Variants in GPC5 observed in about 807,000 individuals in gnomAD.
GPC5 encodes glypican-5.
In GPC5, 47 loss-of-function variants were observed where a neutral mutation model predicts 53.9. That is an observed-to-expected ratio of 0.87 (90% CI 0.69 to 1.11). GPC5 has a LOEUF of 1.11. GPC5 is among the 50% of genes most tolerant of loss of function. The probability of loss-of-function intolerance (pLI) is 0.00; values close to 1 mark genes in which losing one functional copy is unlikely to be tolerated. For missense variants in GPC5, 748 were observed against 713.1 expected (o/e 1.05, Z -0.56); for synonymous variants, 286 against 263.3 (o/e 1.09, Z -0.84).
chr13:91,588,606 T>C (rs1315731344), intron 2 of GPC5, among the ~76,000 whole-genome samples: 1 of 152,128 alleles, frequency 6.6e-6, no homozygotes, highest in South Asian at 2.1e-4. Context: ...CCCTCAAATT[T>C]AAATTGATTT....
chr13:91,679,248 T>C (rs1214015909), intron 2 of GPC5, among the ~76,000 whole-genome samples: 4 of 152,140 alleles, frequency 2.6e-5, no homozygotes, highest in African/African-American at 4.8e-5. Flanking sequence ...GTTACATAGG[T>C]ATACAGGTGC....
intron 7 of GPC5, among the ~76,000 whole-genome samples, chr13:92,521,264 T>A (rs1377550565): frequency 6.6e-6 from 1 of 152,080 alleles, no homozygotes; most frequent in African/African-American, 2.4e-5. Flanking sequence ...TTCACAGAAT[T>A]GGAAAAAACT....
chr13:92,019,198 A>G (rs1488325870), intron 6 of GPC5, among the ~76,000 whole-genome samples: 1 of 151,934 alleles, frequency 6.6e-6, no homozygotes, highest in Admixed American at 6.6e-5. Flanking sequence ...TTACATACAC[A>G]TACTCTCTCT....
intron 7 of GPC5, chr13:92,239,749 G>A (rs2042596118): frequency 1.6e-5 from 1 of 62,862 alleles, no homozygotes; most frequent in Non-Finnish European, 3.6e-5. Context: ...TGTACATGAG[G>A]TCCATTATAT....
chr13:91,952,187 C>G (rs1476301931), intron 6 of GPC5, among the ~76,000 whole-genome samples: 27 of 97,326 alleles, frequency 2.8e-4, no homozygotes, highest in Non-Finnish European at 1.1e-4. Flanking sequence ...CTCTCTCTCT[C>G]TCTGTGTGTG....
At chr13:91,529,347 T>C (rs1168136853) in intron 2 of GPC5, among the ~76,000 whole-genome samples, 2 of 152,200 alleles carry the variant, frequency 1.3e-5, no homozygotes, top group South Asian at 4.1e-4. Context: ...TTCTCAATTT[T>C]ATTAAATTTA....
intron 7 of GPC5, among the ~76,000 whole-genome samples, chr13:92,660,712 T>C (rs911115440): frequency 6.6e-6 from 1 of 152,044 alleles, no homozygotes; most frequent in African/African-American, 2.4e-5. Context: ...TTTCTATTAC[T>C]TTCTTTTCTG....
At chr13:91,924,929 C>T (rs1234690758) in intron 6 of GPC5, among the ~76,000 whole-genome samples, 5 of 151,662 alleles carry the variant, frequency 3.3e-5, no homozygotes, top group Non-Finnish European at 2.9e-5. Context: ...ACCCCATTCT[C>T]CTGCCTCAGC....
chr13:91,595,929 C>T (rs1353212026), intron 2 of GPC5, among the ~76,000 whole-genome samples: 1 of 152,162 alleles, frequency 6.6e-6, no homozygotes, highest in Non-Finnish European at 1.5e-5. Context: ...ACTATTCTAT[C>T]AATGAGTGAA....
intron 2 of GPC5, among the ~76,000 whole-genome samples, chr13:91,595,625 T>C (rs7332178): frequency 0.016 from 2,441 of 152,320 alleles, 77 homozygotes; most frequent in African/African-American, 0.056. Flanking sequence ...AATTTTCTCC[T>C]GTACTATCTG....
At chr13:91,526,091 G>T (rs1886074194) in intron 2 of GPC5, among the ~76,000 whole-genome samples, 1 of 152,060 alleles carries the variant, frequency 6.6e-6, no homozygotes, top group Non-Finnish European at 1.5e-5. Flanking sequence ...AACATCAAAA[G>T]GTATAGTTCT....
chr13:92,788,276 T>G (rs1471087835), intron 7 of GPC5, among the ~76,000 whole-genome samples: 3 of 152,144 alleles, frequency 2.0e-5, no homozygotes, highest in Non-Finnish European at 4.4e-5. Flanking sequence ...AGGATAAAAT[T>G]TGATGTTAAA....
At chr13:92,375,868 TA>T (rs1321891489) in intron 7 of GPC5, among the ~76,000 whole-genome samples, 16 of 152,322 alleles carry the variant, frequency 1.1e-4, no homozygotes, top group Admixed American at 2.6e-4. Flanking sequence ...CAGAAATACC[TA>T]GGTTAGAATT....
At chr13:91,441,140 C>G (rs1052000670) in intron 1 of GPC5, among the ~76,000 whole-genome samples, 4 of 152,140 alleles carry the variant, frequency 2.6e-5, no homozygotes, top group African/African-American at 7.2e-5. Context: ...TCTTCAGACT[C>G]TCCTCTTTTG....
chr13:92,178,528 A>G (rs1206681636), intron 7 of GPC5, among the ~76,000 whole-genome samples: 3 of 151,004 alleles, frequency 2.0e-5, no homozygotes, highest in African/African-American at 7.3e-5. Flanking sequence ...ATTTTTGTAT[A>G]GTGTTTGTAT....
At chr13:92,495,005 A>G (rs1420165946) in intron 7 of GPC5, among the ~76,000 whole-genome samples, 1 of 152,104 alleles carries the variant, frequency 6.6e-6, no homozygotes, top group East Asian at 1.9e-4. Flanking sequence ...CAGATTTTCC[A>G]TTTGAGTTAT....
At chr13:92,806,221 G>A (rs1341291437) in intron 7 of GPC5, among the ~76,000 whole-genome samples, 1 of 152,032 alleles carries the variant, frequency 6.6e-6, no homozygotes, top group East Asian at 1.9e-4. Flanking sequence ...TAAATCTCAT[G>A]TACCAACATC....
chr13:91,555,515 T>C (rs2030894372), intron 2 of GPC5, among the ~76,000 whole-genome samples: 1 of 152,064 alleles, frequency 6.6e-6, no homozygotes, highest in Admixed American at 6.6e-5. Context: ...CTTGCTTCTC[T>C]TATTAAGTTC....
chr13:91,460,997 TGTG>T (rs1881895541), intron 2 of GPC5, among the ~76,000 whole-genome samples: 1 of 152,126 alleles, frequency 6.6e-6, no homozygotes, highest in African/African-American at 2.4e-5. Context: ...TAGCAATAAA[TGTG>T]GTATAGATGC....
Sources: gnomAD v4.1 joint callset for allele counts (sites outside exome capture counted in the v4.1 genomes callset) on GRCh38, gnomAD v4.1.1 for gene constraint, MANE v1.5 for transcripts, NCBI Gene and HGNC (gene_info 2026-07-23, HGNC 2026-07-21) for gene names.